PJA2: variants seen among roughly 807,000 people sequenced by gnomAD.
The protein encoded by PJA2 is praja ring finger ubiquitin ligase 2.
PJA2 carries 25 observed loss-of-function variants against 69.3 expected under a neutral mutation model. That is an observed-to-expected ratio of 0.36 (90% confidence interval 0.26 to 0.50). The LOEUF (loss-of-function observed/expected upper bound fraction) is 0.50, where lower values mean the gene tolerates loss of function less well. Among genes scored for constraint, PJA2 ranks in the 20% least tolerant of loss-of-function variants. PJA2 has a pLI of 0.96. For synonymous variants in PJA2, 308 were observed against 277.8 expected (o/e 1.11, Z -1.08); for missense variants, 809 against 830.2 (o/e 0.97, Z 0.31).
intron 7 of PJA2, among the ~76,000 whole-genome samples, chr5:109,351,243 T>G (rs570627586): frequency 9.2e-5 from 14 of 151,998 alleles, no homozygotes; most frequent in African/African-American, 3.4e-4. Flanking sequence ...ATTAATTTAT[T>G]TAGGTGAACA....
chr5:109,343,294 AAAGAAAG>A (rs1762113014), intron 9 of PJA2, among the ~76,000 whole-genome samples: 153 of 23,252 alleles, frequency 6.6e-3, no homozygotes, highest in Non-Finnish European at 9.8e-3. Context: ...AAAAAAAAAG[AAAGAAAG>A]AAAGAAAGAA....
rs193173365 is a variant in PJA2 at position 109,375,798 on chromosome 5, T to C, written c.1283+2406A>G. Among the ~76,000 whole-genome samples, 7 of 151,998 alleles carry C rather than the reference T, an allele frequency of 4.6e-5. No individual in the cohort carries two copies. In the East Asian group the frequency reaches 1.4e-3, roughly 29 times the overall value. On this transcript the variant is annotated intron_variant, in intron 4 of 9. Coordinates refer to ENST00000361189, the MANE Select transcript of PJA2 (RefSeq NM_014819.5). ...ATCAGGGAGATGAACAAGGGCAAAATGAAACTAAATAGGAGTGTACAGCTA... is the reference window on the plus strand; with the variant it reads ...ATCAGGGAGATGAACAAGGGCAAAACGAAACTAAATAGGAGTGTACAGCTA...
At chr5:109,339,251 T>C (rs940387613) in intron 9 of PJA2, among the ~76,000 whole-genome samples, 13 of 152,204 alleles carry the variant, frequency 8.5e-5, no homozygotes, top group Non-Finnish European at 1.9e-4. Context: ...GAAAATGCCT[T>C]TAATGATGGC....
At chr5:109,401,850 A>G (rs1247671485) in intron 1 of PJA2, among the ~76,000 whole-genome samples, 1 of 152,212 alleles carries the variant, frequency 6.6e-6, no homozygotes, top group African/African-American at 2.4e-5. Flanking sequence ...TTAAATAGCT[A>G]CACTGGCTAA....
chr5:109,381,536 C>T lies in PJA2; in HGVS notation c.199G>A (p.Glu67Lys). 2 of 1,613,932 alleles carry T rather than the reference C, an allele frequency of 1.2e-6. No individual in the cohort carries two copies. The highest frequency in any genetic ancestry group is 1.1e-5 in the South Asian group (1 of 91,070). Residue 67 changes from glutamate to lysine, a missense_variant, in exon 3 of 10, where the codon GAA (glutamate) becomes AAA (lysine). Around this residue, in one of 4 missense-constraint regions of PJA2, gnomAD observed 700 missense variants for 639.5 expected, o/e 1.09. Coordinates refer to ENST00000361189, the MANE Select transcript of PJA2 (RefSeq NM_014819.5). ...TTTTCCTTTGGAACATCATCTAGTTCCAACACTTCATAGTCATCACCAGCC... is the reference window on the plus strand; with the variant it reads ...TTTTCCTTTGGAACATCATCTAGTTTCAACACTTCATAGTCATCACCAGCC... ...GRAGDDYEVL[E>K]LDDVPKENSS...
At chr5:109,403,647 T>C (rs1208408449) in intron 1 of PJA2, among the ~76,000 whole-genome samples, 1 of 151,488 alleles carries the variant, frequency 6.6e-6, no homozygotes. Flanking sequence ...TGGAAGATGA[T>C]TCAACATTCG....
At chr5:109,339,248 C>T (rs1163201030) in intron 9 of PJA2, among the ~76,000 whole-genome samples, 1 of 152,054 alleles carries the variant, frequency 6.6e-6, no homozygotes, top group Non-Finnish European at 1.5e-5. Flanking sequence ...TCAGAAAATG[C>T]CTTTAATGAT....
At chr5:109,366,892 G>A (rs1762592103) in intron 5 of PJA2, among the ~76,000 whole-genome samples, 1 of 152,058 alleles carries the variant, frequency 6.6e-6, no homozygotes. Context: ...AGCACTTTGG[G>A]AGGCCAAGGC....
chr5:109,342,078 C>T (rs1582580311), intron 9 of PJA2, among the ~76,000 whole-genome samples: 4 of 132,868 alleles, frequency 3.0e-5, no homozygotes, highest in Admixed American at 7.2e-5. Context: ...CCCGGCCAGC[C>T]GCCCCGTCCG....
intron 9 of PJA2, among the ~76,000 whole-genome samples, chr5:109,342,491 G>A (rs1296737194): frequency 3.7e-4 from 42 of 114,144 alleles, no homozygotes; most frequent in African/African-American, 1.2e-3. Context: ...TCAGCCCCCC[G>A]CCCGGCCAGC....
At position 109,354,272 on chromosome 5, in the gene PJA2, A is replaced by T. The variant is rs374667186; in HGVS notation, c.1764+1643T>A. Among the ~76,000 whole-genome samples the T allele has an allele frequency of 1.8e-3, 245 of 135,932 alleles. 2 individuals are homozygous for T. The highest frequency in any genetic ancestry group is 3.8e-3 in the African/African-American group (137 of 35,864). 89.2% of individuals were successfully genotyped at this position (135,932 alleles called of 152,430 possible). The stretch of plus-strand genomic sequence containing the variant: ...TTAGATATCTATGATGTCTAGAGAT[A>T]TCTATAGATTAGATATCTATGATAT... On this transcript the variant is annotated intron_variant, in intron 7 of 9. Coordinates refer to ENST00000361189, the MANE Select transcript of PJA2 (RefSeq NM_014819.5).
intron 4 of PJA2, among the ~76,000 whole-genome samples, chr5:109,376,274 A>T (rs375377842): frequency 0.041 from 5,688 of 139,008 alleles, 114 homozygotes; most frequent in Middle Eastern, 0.057. Flanking sequence ...AAAAAAAAAA[A>T]CTATCATTGT....
chr5:109,340,679 C>T (rs1164472424), intron 9 of PJA2, among the ~76,000 whole-genome samples: 1 of 37,822 alleles, frequency 2.6e-5, no homozygotes, highest in Non-Finnish European at 6.9e-5. Context: ...TCCCTCTCCC[C>T]ACGGTCTCCC....
intron 9 of PJA2, 77 bp from the exon 10 acceptor site, chr5:109,337,433 G>C: frequency 1.4e-6 from 2 of 1,454,494 alleles, no homozygotes; most frequent in South Asian, 1.4e-5. Flanking sequence ...AGAAAAAACA[G>C]TGTCATTATC....
At chr5:109,392,427 G>A (rs1357951538) in intron 1 of PJA2, among the ~76,000 whole-genome samples, 1 of 151,892 alleles carries the variant, frequency 6.6e-6, no homozygotes, top group East Asian at 1.9e-4. Context: ...CGCGCATGGT[G>A]GTGCACACCT....
chr5:109,365,106 T>G (rs1214561078), intron 5 of PJA2, among the ~76,000 whole-genome samples: 1 of 152,230 alleles, frequency 6.6e-6, no homozygotes, highest in East Asian at 1.9e-4. Flanking sequence ...TTATGCACAC[T>G]CACTGACCTA....
intron 5 of PJA2, among the ~76,000 whole-genome samples, chr5:109,364,380 T>G (rs1222547659): frequency 1.3e-5 from 2 of 151,836 alleles, no homozygotes; most frequent in Non-Finnish European, 2.9e-5. Context: ...TCCCAGCACT[T>G]TGGGAGGCCG....
chr5:109,366,559 T>C (rs1435960704), intron 5 of PJA2, among the ~76,000 whole-genome samples: 1 of 152,226 alleles, frequency 6.6e-6, no homozygotes, highest in Non-Finnish European at 1.5e-5. Flanking sequence ...ATTTACCTTC[T>C]TTCACATCAC....
At chr5:109,344,123 T>TAA in intron 9 of PJA2, 67 bp downstream of exon 9, 1 of 752,278 alleles carries the variant, frequency 1.3e-6, no homozygotes, top group Non-Finnish European at 1.9e-6. Flanking sequence ...AAAAAAAAGA[T>TAA]ACTATTATTC....
Sources: allele counts gnomAD v4.1 joint callset (sites outside exome capture counted in the v4.1 genomes callset), GRCh38; gene constraint gnomAD v4.1.1; regional missense constraint gnomAD v4.1.1; transcripts MANE v1.5; gene names NCBI Gene and HGNC (gene_info 2026-07-23, HGNC 2026-07-21).